TAFA2: variants seen among roughly 807,000 people sequenced by gnomAD.
TAFA2 encodes TAFA chemokine like family member 2, also known as chemokine-like protein TAFA-2.
A neutral mutation model predicts 18.8 loss-of-function variants in TAFA2; 7 were observed. That is an observed-to-expected ratio of 0.37 (90% CI 0.21 to 0.70). The LOEUF is 0.70. Ranked by LOEUF, TAFA2 falls within the 30% of genes least tolerant of loss-of-function variation. The pLI is 0.53. For missense variants in TAFA2, 122 were observed against 158.1 expected, an observed-to-expected ratio of 0.77 and a Z score of 1.23; for synonymous variants, 60 against 54.2, an observed-to-expected ratio of 1.11 and a Z score of -0.47.
chr12:61,838,475 C>A (rs1258612344), intron 2 of TAFA2, among the ~76,000 whole-genome samples: 1 of 152,000 alleles, frequency 6.6e-6, no homozygotes, highest in Admixed American at 6.6e-5. Context: ...AGGCTAAAAG[C>A]AGACAGAAGA....
intron 4 of TAFA2, among the ~76,000 whole-genome samples, chr12:61,745,577 C>T (rs1194652989): frequency 1.3e-5 from 2 of 152,082 alleles, no homozygotes; most frequent in African/African-American, 2.4e-5. Context: ...CTTCCCATGG[C>T]ATCTATCAAC....
intron 2 of TAFA2, among the ~76,000 whole-genome samples, chr12:61,842,367 A>T (rs146084684): frequency 6.6e-6 from 1 of 151,946 alleles, no homozygotes; most frequent in African/African-American, 2.4e-5. Flanking sequence ...TCAGATCAGC[A>T]TGTTTTTTTA....
intron 1 of TAFA2, among the ~76,000 whole-genome samples, chr12:62,127,359 G>T (rs987752956): frequency 2.6e-5 from 4 of 151,976 alleles, no homozygotes; most frequent in Admixed American, 2.0e-4. Flanking sequence ...CCATTGGCAG[G>T]TATAATAAAC....
At chr12:61,769,497 G>C (rs1265124161) in intron 2 of TAFA2, among the ~76,000 whole-genome samples, 2 of 151,916 alleles carry the variant, frequency 1.3e-5, no homozygotes, top group Non-Finnish European at 2.9e-5. Context: ...TTACTCCCCT[G>C]CTACTTCCAC....
At chr12:62,072,401 A>T (rs2136806224) in intron 1 of TAFA2, among the ~76,000 whole-genome samples, 1 of 152,024 alleles carries the variant, frequency 6.6e-6, no homozygotes, top group Middle Eastern at 3.4e-3. Flanking sequence ...CCCAGGAGGC[A>T]GAGGTTGCAG....
intron 1 of TAFA2, among the ~76,000 whole-genome samples, chr12:62,146,473 T>A (rs965126021): frequency 1.3e-5 from 2 of 151,862 alleles, no homozygotes; most frequent in African/African-American, 4.8e-5. Flanking sequence ...TTGTAGAGAC[T>A]GTTTCATCAT....
chr12:61,915,901 C>T (rs74096113), intron 1 of TAFA2, among the ~76,000 whole-genome samples: 7,951 of 152,224 alleles, frequency 0.052, 674 homozygotes, highest in African/African-American at 0.18. Context: ...CTTCCAGAAA[C>T]AGCCTCACAG....
At chr12:61,897,632 A>G (rs10877763) in intron 1 of TAFA2, among the ~76,000 whole-genome samples, 65,937 of 151,908 alleles carry the variant, frequency 0.43, 14,795 homozygotes, top group Non-Finnish European at 0.47. Context: ...CAAGAACAGC[A>G]TAGGGTAAAC....
intron 1 of TAFA2, among the ~76,000 whole-genome samples, chr12:62,189,427 T>C (rs1447854844): frequency 3.3e-5 from 5 of 152,186 alleles, no homozygotes; most frequent in Non-Finnish European, 5.9e-5. Flanking sequence ...AAAATTAAGA[T>C]TCTAAAAAGA....
intron 1 of TAFA2, among the ~76,000 whole-genome samples, chr12:62,175,276 TG>T (rs2062504462): frequency 6.6e-6 from 1 of 152,204 alleles, no homozygotes; most frequent in South Asian, 2.1e-4. Context: ...TTAGGAAACC[TG>T]GGTCCCAGAC....
intron 1 of TAFA2, among the ~76,000 whole-genome samples, chr12:61,872,828 G>A (rs1203207868): frequency 6.6e-6 from 1 of 151,514 alleles, no homozygotes; most frequent in African/African-American, 2.4e-5. Flanking sequence ...TGACCATCCT[G>A]CCCTCCAGAG....
At chr12:62,084,345 T>A (rs535226466) in intron 1 of TAFA2, among the ~76,000 whole-genome samples, 16 of 152,194 alleles carry the variant, frequency 1.1e-4, no homozygotes, top group Non-Finnish European at 4.4e-5. Flanking sequence ...CTCCATTTAC[T>A]CTTCTCTAAT....
chr12:61,955,649 A>ATG (rs1878663768), intron 1 of TAFA2, among the ~76,000 whole-genome samples: 2 of 77,520 alleles, frequency 2.6e-5, no homozygotes, highest in African/African-American at 7.8e-5. Flanking sequence ...ATATATATAT[A>ATG]TATATATATA....
chr12:62,194,169 A>G (rs2062638814), upstream of TAFA2, among the ~76,000 whole-genome samples: 1 of 152,172 alleles, frequency 6.6e-6, no homozygotes, highest in Admixed American at 6.5e-5. Context: ...TTGCACTGCA[A>G]ATCTTACAGT....
chr12:62,189,938 CTTTGTGTG>C (rs1340804311), intron 1 of TAFA2, among the ~76,000 whole-genome samples: 3 of 67,200 alleles, frequency 4.5e-5, no homozygotes, highest in Non-Finnish European at 8.5e-5. Context: ...TATGAGTTTG[CTTTGTGTG>C]TGTGTGTGTG....
chr12:62,211,904 G>GA (rs1464976081), intron 1 of TAFA2, among the ~76,000 whole-genome samples: 1 of 152,098 alleles, frequency 6.6e-6, no homozygotes, highest in African/African-American at 2.4e-5. Context: ...CTCTTCCACT[G>GA]AAAAAAGCAT....
intron 1 of TAFA2, among the ~76,000 whole-genome samples, chr12:62,158,818 T>C (rs2062388232): frequency 6.6e-6 from 1 of 152,210 alleles, no homozygotes; most frequent in Non-Finnish European, 1.5e-5. Context: ...CTGAGTTGTC[T>C]CCATTACTTA....
At chr12:62,023,261 A>G (rs1490882003) in intron 1 of TAFA2, among the ~76,000 whole-genome samples, 2 of 151,786 alleles carry the variant, frequency 1.3e-5, no homozygotes, top group Non-Finnish European at 2.9e-5. Flanking sequence ...GGGAGGGTGA[A>G]CAGCTACTGT....
intron 4 of TAFA2, among the ~76,000 whole-genome samples, chr12:61,746,728 A>C (rs188025380): frequency 6.6e-6 from 1 of 152,160 alleles, no homozygotes; most frequent in Non-Finnish European, 1.5e-5. Flanking sequence ...GGCCTGATGA[A>C]GGCAGGGATT....
Sources: allele counts gnomAD v4.1 joint callset (sites outside exome capture counted in the v4.1 genomes callset), GRCh38; gene constraint gnomAD v4.1.1; transcripts MANE v1.5; gene names NCBI Gene and HGNC (gene_info 2026-07-23, HGNC 2026-07-21).